Variants in DHTKD1 observed in about 807,000 individuals in gnomAD.
DHTKD1 encodes the protein 2-oxoadipate dehydrogenase complex component E1.
Under a neutral mutation model 101.8 loss-of-function variants are expected in DHTKD1, and 78 were observed. The observed-to-expected ratio is 0.77, with a 90% CI of 0.64 to 0.93. The LOEUF (loss-of-function observed/expected upper bound fraction) is 0.93. DHTKD1 is among the 40% of genes least tolerant of loss of function. The pLI is 0.00. For missense variants in DHTKD1, 1,223 were observed against 1,161.7 expected (o/e 1.05, Z -0.77); for synonymous variants, 462 against 450.3 (o/e 1.03, Z -0.33).
In DHTKD1 at chr10:12,087,380, G is replaced by A. The variant is rs1832918464; in HGVS notation, c.523-155G>A. ...CTAGGAAAACCATCCCGCTGTGTCC[G>A]TGTTATGTCTCTCTCCGGGATATGT... On this transcript the variant is annotated intron_variant, in intron 3 of 16. Transcript: ENST00000263035. The surrounding 1 kb of genome is among the most constrained non-coding windows in gnomAD (Gnocchi z 5.2). 2.0e-5 allele frequency among the ~76,000 whole-genome samples: 3 copies of A among 152,074 alleles called. No individual in the cohort carries two copies. The South Asian group carries it at 6.2e-4, about 32-fold the overall frequency.
At chr10:12,119,615 C>CAAAA (rs71382684) in intron 15 of DHTKD1, among the ~76,000 whole-genome samples, 8 of 89,130 alleles carry the variant, frequency 9.0e-5, no homozygotes, top group Admixed American at 2.6e-4. Flanking sequence ...GACTCCGTCT[C>CAAAA]AAAAAAAAAA....
chr10:12,095,963 T>A (rs929886901), intron 7 of DHTKD1, among the ~76,000 whole-genome samples: 1 of 151,940 alleles, frequency 6.6e-6, no homozygotes, highest in Non-Finnish European at 1.5e-5. Flanking sequence ...GAGCTGAGAT[T>A]GTGCCACTGC....
intron 13 of DHTKD1, among the ~76,000 whole-genome samples, chr10:12,113,360 G>A (rs971392132): frequency 1.3e-5 from 2 of 152,102 alleles, no homozygotes; most frequent in African/African-American, 4.8e-5. Flanking sequence ...ACCACACCCA[G>A]CTAATTTTTG....
At chr10:12,072,163 T>G (rs374490118) in intron 1 of DHTKD1, among the ~76,000 whole-genome samples, 36 of 152,084 alleles carry the variant, frequency 2.4e-4, no homozygotes, top group African/African-American at 8.4e-4. Flanking sequence ...TCCCTTGTAT[T>G]AAGGCTTTAA....
intron 12 of DHTKD1, among the ~76,000 whole-genome samples, chr10:12,112,488 T>G (rs1833348075): frequency 8.1e-6 from 1 of 123,908 alleles, no homozygotes; most frequent in Admixed American, 8.8e-5. Context: ...ATTTTTGTCT[T>G]AAAGCACGCG....
Position 12,107,048 on chromosome 10 carries a change from G to A in DHTKD1, c.2047+652G>A, listed in dbSNP as rs1306924781. On this transcript the variant is annotated intron_variant, in intron 11 of 16. Coordinates refer to ENST00000263035, the MANE Select transcript of DHTKD1 (RefSeq NM_018706.7). The surrounding 1 kb of genome is among the most constrained non-coding windows in gnomAD (Gnocchi z 4.1). The stretch of plus-strand genomic sequence containing the variant: ...CACCCAGGCTGGAGTGCAGTGGTGC[G>A]ATCTCGGCTCACTGCAAGCTCCGCC... Among the ~76,000 whole-genome samples, 4 of 151,250 alleles carry A rather than the reference G, an allele frequency of 2.6e-5. No homozygotes were observed. Among genetic ancestry groups the A allele is most frequent in the Admixed American group, 6.6e-5 (1 of 15,126 alleles).
At chr10:12,119,826 A>T (rs1213517392) in intron 15 of DHTKD1, among the ~76,000 whole-genome samples, 1 of 152,080 alleles carries the variant, frequency 6.6e-6, no homozygotes, top group African/African-American at 2.4e-5. Context: ...CAGAACTTAA[A>T]AAAGAAAAAA....
chr10:12,104,344 A>G (rs1018875693), intron 10 of DHTKD1, among the ~76,000 whole-genome samples: 2 of 152,038 alleles, frequency 1.3e-5, no homozygotes, highest in Non-Finnish European at 2.9e-5. Flanking sequence ...AGGCCCTGCT[A>G]ATTTTTGAAT....
At chr10:12,072,846 C>T (rs1464220217) in intron 1 of DHTKD1, among the ~76,000 whole-genome samples, 2 of 151,960 alleles carry the variant, frequency 1.3e-5, no homozygotes, top group East Asian at 3.9e-4. Flanking sequence ...AAGTGATTCT[C>T]CTGCCTCAGC....
intron 6 of DHTKD1, among the ~76,000 whole-genome samples, chr10:12,093,161 A>G (rs1588610282): frequency 6.6e-6 from 1 of 151,306 alleles, no homozygotes; most frequent in African/African-American, 2.4e-5. Flanking sequence ...CTCCTGCCTC[A>G]GCCTCCCGAG....
Position 12,120,731 on chromosome 10 carries a change from G to A in DHTKD1, c.2659-56G>A. On this transcript the variant is annotated intron_variant, in intron 16 of 16. Coordinates refer to ENST00000263035, the MANE Select transcript of DHTKD1 (RefSeq NM_018706.7). ...ACATGCACTGTCTTGTTGGAACTAA[G>A]CAGAGCTCTGATCTAGTCAAAATGT... The A allele has an allele frequency of 2.1e-6, 3 of 1,442,936 alleles. No homozygotes were observed. The South Asian group carries it at 3.4e-5, about 17-fold the overall frequency. The allele number at this position is 1,442,936 out of a possible 1,614,324, so 89.4% of individuals were successfully genotyped here. A position where few individuals can be genotyped will look rare whatever the true frequency, so the allele number is the denominator to read the frequency against.
intron 8 of DHTKD1, among the ~76,000 whole-genome samples, chr10:12,098,822 C>T (rs747866424): frequency 1.3e-5 from 2 of 152,270 alleles, no homozygotes; most frequent in Non-Finnish European, 2.9e-5. Flanking sequence ...ACTTTGGCCT[C>T]CCAAAGTGCT....
At chr10:12,069,261 GTGTC>G in intron 1 of DHTKD1, 74 bp downstream of exon 1, 7 of 1,369,648 alleles carry the variant, frequency 5.1e-6, no homozygotes, top group Admixed American at 2.8e-5. Context: ...TTGCGGTGGG[GTGTC>G]GGGGTCGGGG....
At chr10:12,076,273 A>G (rs551743749) in intron 1 of DHTKD1, among the ~76,000 whole-genome samples, 1 of 152,184 alleles carries the variant, frequency 6.6e-6, no homozygotes, top group Non-Finnish European at 1.5e-5. Context: ...GTCAGGAGAT[A>G]CAGACTATCC....
chr10:12,117,874 A>T, intron 14 of DHTKD1, 119 bp downstream of exon 14: 1 of 224,112 alleles, frequency 4.5e-6, no homozygotes. Flanking sequence ...TTATTTATTT[A>T]TTTATTTATT....
intron 1 of DHTKD1, among the ~76,000 whole-genome samples, chr10:12,073,535 C>T (rs1832679834): frequency 6.6e-6 from 1 of 152,094 alleles, no homozygotes; most frequent in African/African-American, 2.4e-5. Flanking sequence ...TTAGTAGAAA[C>T]AGGGTTTCAC....
intron 13 of DHTKD1, chr10:12,116,432 C>A (rs1274774180): frequency 6.6e-6 from 1 of 151,812 alleles, no homozygotes. Flanking sequence ...TTCCTGTTAC[C>A]CAGGCTATAG....
intron 14 of DHTKD1, among the ~76,000 whole-genome samples, chr10:12,117,976 G>A (rs532243963): frequency 1.2e-4 from 18 of 151,880 alleles, no homozygotes; most frequent in South Asian, 4.2e-4. Context: ...TGCAACCTCC[G>A]CCTCCCGGAT....
intron 7 of DHTKD1, among the ~76,000 whole-genome samples, chr10:12,097,341 C>T (rs1289741643): frequency 6.6e-6 from 1 of 152,072 alleles, no homozygotes. Flanking sequence ...GGTGCCATCT[C>T]GGCTCACTGC....
Sources: gnomAD v4.1 joint callset for allele counts (sites outside exome capture counted in the v4.1 genomes callset) on GRCh38, gnomAD v4.1.1 for gene constraint, Gnocchi (gnomAD v3.1) non-coding constraint, MANE v1.5 for transcripts, NCBI Gene and HGNC (gene_info 2026-07-23, HGNC 2026-07-21) for gene names.